The following UTP6 variants were observed in gnomAD, a reference collection of about 807,000 sequenced individuals.
UTP6 encodes U3 small nucleolar RNA-associated protein 6 homolog.
UTP6 carries 60 observed loss-of-function variants against 96.5 expected under a neutral mutation model. That is an observed-to-expected ratio of 0.62 (90% CI 0.51 to 0.77). The LOEUF (loss-of-function observed/expected upper bound fraction) is 0.77. Among genes scored for constraint, UTP6 ranks in the 30% least tolerant of loss-of-function variants. The pLI is 0.00. For missense variants in UTP6, 637 were observed against 706.5 expected, an observed-to-expected ratio of 0.90 and a Z score of 1.12; for synonymous variants, 215 against 240.1, an observed-to-expected ratio of 0.90 and a Z score of 0.96.
chr17:31,878,806 T>G, intron 11 of UTP6, 25 bp from the exon 12 acceptor site: 1 of 1,605,874 alleles, frequency 6.2e-7, no homozygotes, highest in Non-Finnish European at 8.5e-7. Context: ...AAGATTGTGT[T>G]GATCAGATCA....
intron 13 of UTP6, among the ~76,000 whole-genome samples, chr17:31,876,210 G>C (rs1250715693): frequency 6.6e-6 from 1 of 151,706 alleles, no homozygotes; most frequent in Non-Finnish European, 1.5e-5. Flanking sequence ...TTAATTTTTT[G>C]TATTTTAGTA....
intron 13 of UTP6, among the ~76,000 whole-genome samples, chr17:31,876,438 A>T (rs2142299683): frequency 6.6e-6 from 1 of 150,544 alleles, no homozygotes; most frequent in Non-Finnish European, 1.5e-5. Flanking sequence ...TAAGGTCGGG[A>T]GTTCAAGACC....
chr17:31,878,456 T>C (rs1307761563), intron 12 of UTP6, 129 bp from the exon 13 acceptor site: 1 of 941,812 alleles, frequency 1.1e-6, no homozygotes, highest in Non-Finnish European at 1.6e-6. Context: ...TGCATGGTGG[T>C]TTCACTTATG....
At chr17:31,887,570 T>A in intron 7 of UTP6, 1 of 342,162 alleles carries the variant, frequency 2.9e-6, no homozygotes, top group Non-Finnish European at 5.4e-6. Context: ...CTGCCTGGCC[T>A]GAAACAACTG....
chr17:31,874,529 G>A (rs1419505378), intron 14 of UTP6, among the ~76,000 whole-genome samples: 1 of 147,158 alleles, frequency 6.8e-6, no homozygotes, highest in Admixed American at 7.0e-5. Flanking sequence ...CTGGGCAACA[G>A]AACAAGACTT....
intron 16 of UTP6, among the ~76,000 whole-genome samples, chr17:31,871,314 A>T (rs1910161384): frequency 6.6e-6 from 1 of 152,028 alleles, no homozygotes; most frequent in Non-Finnish European, 1.5e-5. Flanking sequence ...ATAGAAATGA[A>T]GTCTCGTTGT....
chr17:31,879,474 A>G (rs1420960456), intron 11 of UTP6, among the ~76,000 whole-genome samples: 1 of 152,124 alleles, frequency 6.6e-6, no homozygotes, highest in Non-Finnish European at 1.5e-5. Context: ...GTTCAAGACC[A>G]GCCTGGGCAA....
chr17:31,873,597 G>GC, intron 15 of UTP6, 76 bp downstream of exon 15: 1 of 1,605,768 alleles, frequency 6.2e-7, no homozygotes, highest in Non-Finnish European at 8.5e-7. Context: ...AGGCGCACCT[G>GC]CAACACTAGA....
intron 2 of UTP6, 127 bp downstream of exon 2, chr17:31,899,519 G>A: frequency 5.5e-6 from 3 of 549,724 alleles, no homozygotes; most frequent in Non-Finnish European, 5.8e-6. Context: ...CTGGAGGGCA[G>A]AGGTTGCAGT....
At chr17:31,878,856 A>G in intron 11 of UTP6, 75 bp from the exon 12 acceptor site, 1 of 1,427,324 alleles carries the variant, frequency 7.0e-7, no homozygotes, top group Admixed American at 1.8e-5. Flanking sequence ...ATTAAAAGAT[A>G]AGGAAAAAAA....
At chr17:31,876,581 T>C (rs1214913222) in intron 13 of UTP6, among the ~76,000 whole-genome samples, 2 of 150,730 alleles carry the variant, frequency 1.3e-5, no homozygotes, top group Non-Finnish European at 3.0e-5. Context: ...GAGGCGGAGG[T>C]TGAGGTGAGC....
intron 13 of UTP6, among the ~76,000 whole-genome samples, chr17:31,876,538 G>A (rs1427687932): frequency 6.6e-6 from 1 of 151,886 alleles, no homozygotes; most frequent in African/African-American, 2.4e-5. Flanking sequence ...CGGCTACTCG[G>A]GAGGCTGAGT....
intron 5 of UTP6, 106 bp from the exon 6 acceptor site, chr17:31,892,429 A>G: frequency 2.6e-6 from 3 of 1,136,778 alleles, no homozygotes; most frequent in South Asian, 2.7e-5. Context: ...CCAATGGAGC[A>G]TGACATGCTA....
At chr17:31,873,782 G>A (rs1281747345) in intron 14 of UTP6, 29 bp from the exon 15 acceptor site, 3 of 1,597,292 alleles carry the variant, frequency 1.9e-6, no homozygotes, top group African/African-American at 1.4e-5. Flanking sequence ...ATGTTAGTTA[G>A]AGAACAGCAT....
intron 14 of UTP6, 21 bp downstream of exon 14, chr17:31,875,213 C>T: frequency 6.2e-7 from 1 of 1,612,380 alleles, no homozygotes; most frequent in Admixed American, 1.7e-5. Flanking sequence ...ATAATGAATA[C>T]AAAAGATCCA....
intron 10 of UTP6, 63 bp from the exon 11 acceptor site, chr17:31,880,817 AAC>A: frequency 6.3e-7 from 1 of 1,595,772 alleles, no homozygotes; most frequent in African/African-American, 1.3e-5. Context: ...ATATCAGAGA[AAC>A]AGTTACCTGT....
At chr17:31,863,906 G>A (rs1012896627) in intron 18 of UTP6, among the ~76,000 whole-genome samples, 1 of 152,044 alleles carries the variant, frequency 6.6e-6, no homozygotes, top group African/African-American at 2.4e-5. Context: ...TCACTATATT[G>A]CCCAGGCTAG....
At chr17:31,901,014 T>G (rs960173389) in intron 1 of UTP6, among the ~76,000 whole-genome samples, 1 of 152,142 alleles carries the variant, frequency 6.6e-6, no homozygotes, top group African/African-American at 2.4e-5. Flanking sequence ...TAAACATAAT[T>G]TTAACACGCT....
intron 18 of UTP6, among the ~76,000 whole-genome samples, chr17:31,865,067 G>A (rs1358491346): frequency 1.3e-5 from 2 of 152,186 alleles, no homozygotes; most frequent in African/African-American, 4.8e-5. Flanking sequence ...TGCCCAGGCT[G>A]GAGTGCAATG....
Sources: allele counts gnomAD v4.1 joint callset (sites outside exome capture counted in the v4.1 genomes callset), GRCh38; gene constraint gnomAD v4.1.1; transcripts MANE v1.5; gene names NCBI Gene and HGNC (gene_info 2026-07-23, HGNC 2026-07-21).